Variants in PLEKHO1 observed in about 807,000 individuals in gnomAD.
PLEKHO1 encodes the protein pleckstrin homology domain containing O1, also known as pleckstrin homology domain-containing family O member 1.
Under a neutral mutation model 41.4 loss-of-function variants are expected in PLEKHO1, and 22 were observed. That is an observed-to-expected ratio of 0.53 (90% CI 0.38 to 0.76). The LOEUF is 0.76. Among genes scored for constraint, PLEKHO1 ranks in the 30% least tolerant of loss-of-function variants. The probability of loss-of-function intolerance (pLI) is 0.00; values close to 1 mark genes in which losing one functional copy is unlikely to be tolerated. For missense variants in PLEKHO1, 488 were observed against 518.3 expected, an observed-to-expected ratio of 0.94 and a Z score of 0.57; for synonymous variants, 225 against 210.8, an observed-to-expected ratio of 1.07 and a Z score of -0.58.
At chr1:150,154,099 A>C (rs1660069161) in intron 2 of PLEKHO1, 2 of 152,094 alleles carry the variant, frequency 1.3e-5, no homozygotes, top group Admixed American at 6.5e-5. Context: ...AAGGTAGAAT[A>C]ACTCCCTTTC....
At position 150,157,448 on chromosome 1, in the gene PLEKHO1, T is replaced by C; in HGVS notation, c.487T>C (p.Ser163Pro). The C allele has an allele frequency of 6.2e-7, 1 of 1,613,882 alleles. No homozygotes were observed. The highest frequency in any genetic ancestry group is 8.5e-7 in the Non-Finnish European group (1 of 1,179,872). The change falls in exon 5 of 6, where the codon TCC becomes CCC. Residue 163 changes from serine (S) to proline (P), a missense_variant. Coordinates refer to ENST00000369124, the MANE Select transcript of PLEKHO1 (RefSeq NM_016274.6). Reference protein sequence around the residue: ...PTRDRAKIQHSRRPPTRGHLM... With the variant: ...PTRDRAKIQHPRRPPTRGHLM... ...TCGAGACAGGGCAAAAATCCAGCAC[T>C]CCCGCCGCCCCCCAACAAGGGGACA...
At chr1:150,154,002 G>C (rs996488959) in intron 2 of PLEKHO1, 14 of 152,050 alleles carry the variant, frequency 9.2e-5, no homozygotes, top group African/African-American at 3.1e-4. Context: ...CCTACTGCTT[G>C]CCTCACCCCA....
chr1:150,154,182 C>T (rs782600123), intron 2 of PLEKHO1: 2 of 152,328 alleles, frequency 1.3e-5, no homozygotes, highest in Admixed American at 6.5e-5. Context: ...CCAACACTTT[C>T]CTCTCCACGG....
chr1:150,159,818 C>G lies in PLEKHO1; in HGVS notation c.*295C>G. On this transcript the variant is annotated 3_prime_UTR_variant, in exon 6 of 6. Transcript: ENST00000369124. ...CTGACCACTCCACACACCGCCCGCC[C>G]CCAAGACGGCACAGGGAGTCCACTG... 1 of 274,234 alleles carries G rather than the reference C, an allele frequency of 3.6e-6. No individual in the cohort carries two copies. The highest frequency in any genetic ancestry group is 7.0e-6 in the Non-Finnish European group (1 of 143,548). The allele number at this position is 274,234 out of a possible 1,614,324, so 17.0% of individuals were successfully genotyped here. A position where few individuals can be genotyped will look rare whatever the true frequency, so the allele number is the denominator to read the frequency against.
At chr1:150,151,858 A>G (rs181695965) in intron 2 of PLEKHO1, among the ~76,000 whole-genome samples, 6 of 152,290 alleles carry the variant, frequency 3.9e-5, no homozygotes, top group African/African-American at 1.4e-4. Flanking sequence ...TCTTGGGATC[A>G]ATAACGTGTA....
chr1:150,154,225 A>T (rs1660077372), intron 2 of PLEKHO1: 1 of 152,254 alleles, frequency 6.6e-6, no homozygotes, highest in South Asian at 2.1e-4. Context: ...TCAGCTCTGG[A>T]GAAGGAGGGG....
Position 150,157,018 on chromosome 1 carries a change from CA to C in PLEKHO1, c.423+4del, listed in dbSNP as rs1553820551. ...CCAAGAACCGTATCTTGGATGAGGT[CA>C]GGGGGCTCACTGTGGGGAGAGGGAG... On this transcript the variant is annotated splice_donor_region_variant and intron_variant, in intron 4 of 5. Coordinates refer to ENST00000369124, the MANE Select transcript of PLEKHO1 (RefSeq NM_016274.6). 5.1e-6 allele frequency: 8 copies of C among 1,577,302 alleles called. No homozygotes were observed. The highest frequency in any genetic ancestry group is 1.7e-5 in the Admixed American group (1 of 59,972).
At chr1:150,157,246 G>A (rs1462737210) in intron 4 of PLEKHO1, 139 bp from the exon 5 acceptor site, 4 of 759,758 alleles carry the variant, frequency 5.3e-6, no homozygotes, top group African/African-American at 5.2e-5. Context: ...TCAGCTTAAA[G>A]AGCCCCCTTC....
intron 2 of PLEKHO1, among the ~76,000 whole-genome samples, chr1:150,152,401 C>T (rs1237748427): frequency 2.6e-5 from 4 of 152,170 alleles, no homozygotes; most frequent in Non-Finnish European, 4.4e-5. Flanking sequence ...CTCCCAGGCT[C>T]AAGTGATCCT....
rs1553818267 is a variant in PLEKHO1, at chr1:150,150,215, G to T, written c.-43G>T. The T allele has an allele frequency of 2.0e-6, 2 of 1,016,972 alleles. No homozygotes were observed. Among genetic ancestry groups the T allele is most frequent in the Non-Finnish European group, 2.4e-6 (2 of 847,874 alleles). The allele number at this position is 1,016,972 out of a possible 1,614,324, so 63.0% of individuals were successfully genotyped here. A position where few individuals can be genotyped will look rare whatever the true frequency, so the allele number is the denominator to read the frequency against. ...CGGTGCCGCCGAGGCCCCGACGCGGGGCCGCCCCTCGGCTCGCCGCCCCGC... is the reference window on the plus strand; with the variant it reads ...CGGTGCCGCCGAGGCCCCGACGCGGTGCCGCCCCTCGGCTCGCCGCCCCGC... On this transcript the variant is annotated 5_prime_UTR_variant, in exon 1 of 6. Transcript: ENST00000369124.
intron 5 of PLEKHO1, among the ~76,000 whole-genome samples, chr1:150,158,304 G>C (rs1373753225): frequency 1.3e-5 from 2 of 152,094 alleles, no homozygotes; most frequent in Non-Finnish European, 2.9e-5. Context: ...CAGGAAACAA[G>C]TAACAAACTA....
At chr1:150,158,003 A>G (rs1660248001) in intron 5 of PLEKHO1, among the ~76,000 whole-genome samples, 1 of 152,224 alleles carries the variant, frequency 6.6e-6, no homozygotes, top group South Asian at 2.1e-4. Context: ...CATGTCTCCA[A>G]CTGTAAAATG....
chr1:150,157,134 C>T, intron 4 of PLEKHO1, 119 bp downstream of exon 4: 2 of 727,242 alleles, frequency 2.8e-6, no homozygotes, highest in African/African-American at 1.7e-5. Flanking sequence ...AGCTCTACTT[C>T]TTTACCACCC....
chr1:150,151,354 C>A (rs140681711), intron 2 of PLEKHO1, among the ~76,000 whole-genome samples: 14 of 152,332 alleles, frequency 9.2e-5, no homozygotes, highest in Admixed American at 2.6e-4. Flanking sequence ...TGCTGCCTCC[C>A]ACCCTAACCT....
chr1:150,153,808 C>T (rs1270474604), intron 2 of PLEKHO1: 3 of 151,792 alleles, frequency 2.0e-5, no homozygotes, highest in African/African-American at 4.8e-5. Flanking sequence ...TTTGGACAGG[C>T]GTGGGAAAAA....
intron 2 of PLEKHO1, chr1:150,152,688 T>TGAA (rs1659992913): frequency 1.4e-5 from 1 of 74,026 alleles, no homozygotes; most frequent in African/African-American, 4.6e-5. Flanking sequence ...CTTTCTAAAT[T>TGAA]AAAAAAAAAA....
chr1:150,150,848 G>C, intron 1 of PLEKHO1, 64 bp from the exon 2 acceptor site: 2 of 1,500,856 alleles, frequency 1.3e-6, no homozygotes, highest in African/African-American at 1.4e-5. Flanking sequence ...CGTGAGAGAC[G>C]GACGGAGAGG....
At position 150,149,967 on chromosome 1, in the gene PLEKHO1, C is replaced by A. The variant is rs1207691634; in HGVS notation, c.-291C>A. Reference sequence around the variant, plus strand: ...CGCGCTGGGCCGGGCGGGCGGGTGGCGGGGGTGCGCTCGGGGACCCGGGCC... The same window carrying A: ...CGCGCTGGGCCGGGCGGGCGGGTGGAGGGGGTGCGCTCGGGGACCCGGGCC... On this transcript the variant is annotated 5_prime_UTR_variant, in exon 1 of 6. Coordinates refer to ENST00000369124, the MANE Select transcript of PLEKHO1 (RefSeq NM_016274.6). The A allele has an allele frequency of 6.6e-6, 1 of 150,974 alleles. No homozygotes were observed. Among genetic ancestry groups the A allele is most frequent in the Non-Finnish European group, 1.5e-5 (1 of 68,152 alleles). 9.4% of individuals were successfully genotyped at this position (150,974 alleles called of 1,614,324 possible). A position where few individuals can be genotyped will look rare whatever the true frequency, so the allele number is the denominator to read the frequency against.
chr1:150,149,915 C>G (rs1464785025), upstream of PLEKHO1: 2 of 151,316 alleles, frequency 1.3e-5, no homozygotes, highest in African/African-American at 2.4e-5. Flanking sequence ...CTGGGCCGCC[C>G]ACAGCGCACC....
Sources: gnomAD v4.1 joint callset for allele counts (sites outside exome capture counted in the v4.1 genomes callset) on GRCh38, gnomAD v4.1.1 for gene constraint, MANE v1.5 for transcripts, NCBI Gene and HGNC (gene_info 2026-07-23, HGNC 2026-07-21) for gene names.